Variants in FBXL20 observed in about 807,000 individuals in gnomAD.
The protein encoded by FBXL20 is F-box/LRR-repeat protein 20.
FBXL20 carries 11 observed loss-of-function variants against 64.0 expected under a neutral mutation model. That is an observed-to-expected ratio of 0.17 (90% CI 0.11 to 0.28). The LOEUF (loss-of-function observed/expected upper bound fraction) is 0.28. FBXL20 is among the 10% of genes least tolerant of loss of function. FBXL20 has a pLI of 1.00. For missense variants in FBXL20, 303 were observed against 526.2 expected, an observed-to-expected ratio of 0.58 and a Z score of 4.15; for synonymous variants, 184 against 189.0, an observed-to-expected ratio of 0.97 and a Z score of 0.22.
At chr17:39,289,957 CCA>C (rs1177070661) in intron 6 of FBXL20, among the ~76,000 whole-genome samples, 12 of 137,354 alleles carry the variant, frequency 8.7e-5, no homozygotes, top group Admixed American at 1.6e-4. Context: ...TGAGACTGTG[CCA>C]CTGCACTCCA....
At chr17:39,293,727 T>A (rs574396549) in intron 6 of FBXL20, among the ~76,000 whole-genome samples, 1 of 152,122 alleles carries the variant, frequency 6.6e-6, no homozygotes, top group Admixed American at 6.6e-5. Flanking sequence ...CCAGTAATTG[T>A]TTTTTTCCTC....
At chr17:39,370,450 A>T (rs1355927869) in intron 1 of FBXL20, among the ~76,000 whole-genome samples, 1 of 151,326 alleles carries the variant, frequency 6.6e-6, no homozygotes, top group African/African-American at 2.4e-5. Flanking sequence ...AGATCAAGCC[A>T]CTACATTCCA....
chr17:39,386,264 G>A (rs758248646), intron 1 of FBXL20, among the ~76,000 whole-genome samples: 44 of 152,032 alleles, frequency 2.9e-4, no homozygotes, highest in Non-Finnish European at 5.9e-4. Flanking sequence ...CGGAGATCGC[G>A]CCACTGCACT....
At chr17:39,284,547 AT>A (rs1046339154) in intron 7 of FBXL20, among the ~76,000 whole-genome samples, 1 of 151,608 alleles carries the variant, frequency 6.6e-6, no homozygotes, top group Non-Finnish European at 1.5e-5. Context: ...CGCCTGGCAA[AT>A]TTTCTTATTT....
intron 1 of FBXL20, among the ~76,000 whole-genome samples, chr17:39,391,421 A>G (rs2048132643): frequency 6.6e-6 from 1 of 152,198 alleles, no homozygotes; most frequent in Non-Finnish European, 1.5e-5. Context: ...TCTCCAGAGA[A>G]TCACAGAATT....
chr17:39,386,987 G>A (rs997806865), intron 1 of FBXL20, among the ~76,000 whole-genome samples: 3 of 152,092 alleles, frequency 2.0e-5, no homozygotes, highest in Admixed American at 6.6e-5. Flanking sequence ...ATGCTTGCTA[G>A]GTATGTAATA....
chr17:39,385,824 G>T (rs928114449), intron 1 of FBXL20, among the ~76,000 whole-genome samples: 4 of 150,486 alleles, frequency 2.7e-5, no homozygotes, highest in African/African-American at 7.4e-5. Context: ...GAGCTCAAGA[G>T]ATCGAGACCA....
intron 1 of FBXL20, among the ~76,000 whole-genome samples, chr17:39,377,924 G>C (rs1304833542): frequency 6.6e-6 from 1 of 152,122 alleles, no homozygotes; most frequent in African/African-American, 2.4e-5. Flanking sequence ...GAGGTGGTAG[G>C]ATGGCTTGCA....
chr17:39,360,701 G>A (rs1301901677), intron 1 of FBXL20, among the ~76,000 whole-genome samples: 1 of 152,116 alleles, frequency 6.6e-6, no homozygotes, highest in East Asian at 1.9e-4. Flanking sequence ...TCTATGTCTG[G>A]CTTTCTTCCC....
At chr17:39,351,231 G>C (rs921921279) in intron 1 of FBXL20, among the ~76,000 whole-genome samples, 2 of 151,574 alleles carry the variant, frequency 1.3e-5, no homozygotes, top group African/African-American at 4.9e-5. Flanking sequence ...AGCTACTCGG[G>C]AGGCTGAGGC....
chr17:39,317,054 A>G (rs1319796233), intron 2 of FBXL20, among the ~76,000 whole-genome samples: 1 of 152,230 alleles, frequency 6.6e-6, no homozygotes, highest in East Asian at 1.9e-4. Flanking sequence ...AGCATAATTT[A>G]ATATCTTAGA....
At chr17:39,340,255 C>G (rs546139246) in intron 2 of FBXL20, among the ~76,000 whole-genome samples, 1 of 152,312 alleles carries the variant, frequency 6.6e-6, no homozygotes, top group South Asian at 2.1e-4. Flanking sequence ...TGCCACCATG[C>G]CAGGCTAATT....
chr17:39,326,269 G>A (rs1447632473), intron 2 of FBXL20, among the ~76,000 whole-genome samples: 5 of 151,444 alleles, frequency 3.3e-5, no homozygotes, highest in Non-Finnish European at 5.9e-5. Flanking sequence ...CAATGCAAAC[G>A]GACTGACACA....
chr17:39,355,479 T>C (rs1435521895), intron 1 of FBXL20, among the ~76,000 whole-genome samples: 1 of 152,236 alleles, frequency 6.6e-6, no homozygotes, highest in African/African-American at 2.4e-5. Context: ...TACTTCTTAA[T>C]GGTGTCTTCT....
At chr17:39,366,229 A>G (rs1007664536) in intron 1 of FBXL20, among the ~76,000 whole-genome samples, 2 of 152,296 alleles carry the variant, frequency 1.3e-5, no homozygotes, top group Non-Finnish European at 2.9e-5. Flanking sequence ...GTGTCAGGAC[A>G]AGCAGACAAT....
chr17:39,292,069 G>A (rs2047044434), intron 6 of FBXL20, among the ~76,000 whole-genome samples: 1 of 150,656 alleles, frequency 6.6e-6, no homozygotes, highest in Admixed American at 6.6e-5. Flanking sequence ...AAATGTACTT[G>A]AAGAGAATGT....
chr17:39,362,942 C>G (rs1043172237), intron 1 of FBXL20, among the ~76,000 whole-genome samples: 8 of 150,716 alleles, frequency 5.3e-5, no homozygotes, highest in Non-Finnish European at 1.0e-4. Flanking sequence ...TAATGAAACA[C>G]TTATTACAAC....
intron 1 of FBXL20, among the ~76,000 whole-genome samples, chr17:39,346,867 G>A (rs561325192): frequency 1.4e-4 from 18 of 130,012 alleles, no homozygotes; most frequent in Non-Finnish European, 2.1e-4. Context: ...AACAGGTCCC[G>A]GTGTGTGATG....
chr17:39,302,682 T>A lies in FBXL20; in HGVS notation c.159+903A>T, dbSNP rs76679071. Among the ~76,000 whole-genome samples, 1,384 of 152,152 alleles carry A rather than the reference T, an allele frequency of 9.1e-3. 22 individuals are homozygous for A. Among genetic ancestry groups the A allele is most frequent in the African/African-American group, 0.031 (1,307 of 41,518 alleles). ...GCCACTGCACGCAGCCCTAATTTTT[T>A]AAATTTTCTGTAGAGATAGGGCTCC... On this transcript the variant is annotated intron_variant, in intron 3 of 14. Transcript: ENST00000264658.
Sources: gnomAD v4.1 joint callset for allele counts (sites outside exome capture counted in the v4.1 genomes callset) on GRCh38, gnomAD v4.1.1 for gene constraint, MANE v1.5 for transcripts, NCBI Gene and HGNC (gene_info 2026-07-23, HGNC 2026-07-21) for gene names.